The following PREX1 variants were observed in gnomAD, a reference collection of about 807,000 sequenced individuals.
PREX1 encodes the protein phosphatidylinositol-3,4,5-trisphosphate dependent Rac exchange factor 1.
In PREX1, 41 loss-of-function variants were observed where a neutral mutation model predicts 198.3. The observed-to-expected ratio is 0.21, with a 90% CI of 0.16 to 0.27. PREX1 has a LOEUF of 0.27. Among genes scored for constraint, PREX1 ranks in the 10% least tolerant of loss-of-function variants. The pLI, the probability that PREX1 is intolerant of heterozygous loss-of-function variation, is 1.00. For missense variants in PREX1, 1,620 were observed against 2,200.7 expected (o/e 0.74, Z 5.28); for synonymous variants, 843 against 887.2 (o/e 0.95, Z 0.89).
Position 48,666,963 on chromosome 20 carries a change from CAAG to C in PREX1, c.1666-611_1666-609del, listed in dbSNP as rs1166633990. Among the ~76,000 whole-genome samples the C allele has an allele frequency of 6.6e-6, 1 of 152,186 alleles. No homozygotes were observed. The highest frequency in any genetic ancestry group is 2.4e-5 in the African/African-American group (1 of 41,446). ...AACACCTTTCCCATTCCTCCCTGGT[CAAG>C]AAGCCCTCATCCATCTCCAGCCTCC... On this transcript the variant is annotated intron_variant, in intron 14 of 39. Coordinates refer to ENST00000371941, the MANE Select transcript of PREX1 (RefSeq NM_020820.4). This position sits in a 1 kb window ranked among gnomAD's most constrained non-coding sequence, Gnocchi z 4.3.
chr20:48,886,407 AAGCCTGGCACACCCCC>A, the PREX1 span, among the ~76,000 whole-genome samples: 3 of 152,118 alleles, frequency 2.0e-5, no homozygotes, highest in Non-Finnish European at 4.4e-5. Context: ...CTAAGAACAG[AAGCCTGGCACACCCCC>A]AGGCGCTGGC....
chr20:48,682,265 G>A (rs1423595658), intron 10 of PREX1, among the ~76,000 whole-genome samples: 1 of 151,998 alleles, frequency 6.6e-6, no homozygotes, highest in Non-Finnish European at 1.5e-5. Flanking sequence ...CATCCTTCAG[G>A]TCTCAGCACA....
intron 3 of PREX1, among the ~76,000 whole-genome samples, chr20:48,734,935 C>T (rs898636998): frequency 1.3e-5 from 2 of 152,176 alleles, no homozygotes; most frequent in Non-Finnish European, 2.9e-5. Flanking sequence ...GCTTGCACCA[C>T]GGCTCTGTAT....
chr20:48,636,775 T>TGGA (rs1568793639), intron 31 of PREX1, 92 bp from the exon 32 acceptor site: 2 of 1,131,074 alleles, frequency 1.8e-6, no homozygotes. Context: ...GGACCCCTCA[T>TGGA]GGAACCCCCA....
At chr20:48,747,935 A>T in intron 1 of PREX1, 55 bp from the exon 2 acceptor site, 1 of 1,504,280 alleles carries the variant, frequency 6.6e-7, no homozygotes, top group African/African-American at 1.4e-5. Context: ...TCTCCCATGG[A>T]CGGCCCTACA....
chr20:48,746,940 GAACACACACACACACACACACA>G (rs2090110328), intron 2 of PREX1, among the ~76,000 whole-genome samples: 1 of 121,304 alleles, frequency 8.2e-6, no homozygotes, highest in African/African-American at 3.2e-5. Context: ...CCCAGTGCAT[GAACACACACACACACACACACA>G]CACACACACA....
At chr20:48,646,807 C>A (rs1343878498) in intron 25 of PREX1, among the ~76,000 whole-genome samples, 1 of 152,218 alleles carries the variant, frequency 6.6e-6, no homozygotes, top group Non-Finnish European at 1.5e-5. Flanking sequence ...TTGAAGCTAG[C>A]TAAACCCCAG....
intron 27 of PREX1, among the ~76,000 whole-genome samples, chr20:48,643,038 A>T (rs2089425984): frequency 6.6e-6 from 1 of 152,270 alleles, no homozygotes; most frequent in Admixed American, 6.5e-5. Flanking sequence ...CAGTGGGAAC[A>T]GCAGTGACAG....
the PREX1 span, among the ~76,000 whole-genome samples, chr20:48,888,051 G>C: frequency 2.6e-5 from 4 of 152,210 alleles, no homozygotes; most frequent in Non-Finnish European, 4.4e-5. Context: ...TCACACTGCT[G>C]CTAAAGACAC....
intron 17 of PREX1, among the ~76,000 whole-genome samples, chr20:48,657,801 C>T (rs547152258): frequency 6.6e-6 from 1 of 152,286 alleles, no homozygotes; most frequent in African/African-American, 2.4e-5. Context: ...GGCTTTGCAT[C>T]AGACAGCAAT....
At chr20:48,659,838 G>T in intron 16 of PREX1, 81 bp downstream of exon 16, 1 of 1,587,198 alleles carries the variant, frequency 6.3e-7, no homozygotes, top group Admixed American at 1.7e-5. Context: ...CCTTCCCTGT[G>T]CATAACCAGA....
At chr20:48,692,864 G>C in intron 7 of PREX1, 74 bp from the exon 8 acceptor site, 1 of 1,259,618 alleles carries the variant, frequency 7.9e-7, no homozygotes, top group Non-Finnish European at 1.2e-6. Context: ...AGCGCAAAGG[G>C]GAACACAACA....
chr20:48,865,042 G>T, the PREX1 span, among the ~76,000 whole-genome samples: 1 of 152,068 alleles, frequency 6.6e-6, no homozygotes, highest in Non-Finnish European at 1.5e-5. Context: ...GGGTTGGGGG[G>T]GGTCTTACCC....
intron 1 of PREX1, among the ~76,000 whole-genome samples, chr20:48,799,726 C>T (rs958046775): frequency 6.6e-6 from 1 of 152,162 alleles, no homozygotes; most frequent in African/African-American, 2.4e-5. Flanking sequence ...GGCAAGCGGG[C>T]CTCTGTCCCC....
chr20:48,883,741 G>T, the PREX1 span, among the ~76,000 whole-genome samples: 1 of 152,010 alleles, frequency 6.6e-6, no homozygotes, highest in Admixed American at 6.6e-5. Context: ...AAAGAAGACC[G>T]AAATAAAAGG....
chr20:48,862,823 G>A, the PREX1 span, among the ~76,000 whole-genome samples: 191 of 99,556 alleles, frequency 1.9e-3, no homozygotes, highest in Admixed American at 4.4e-3. Context: ...ACTAATAAAC[G>A]TTATTTTTTT....
intron 1 of PREX1, among the ~76,000 whole-genome samples, chr20:48,784,983 G>A (rs947153187): frequency 4.0e-5 from 6 of 151,032 alleles, no homozygotes; most frequent in Non-Finnish European, 7.4e-5. Context: ...GCATGATCTC[G>A]GCTCACTGCA....
intron 1 of PREX1, among the ~76,000 whole-genome samples, chr20:48,816,675 G>A (rs1276358434): frequency 6.6e-6 from 1 of 152,086 alleles, no homozygotes; most frequent in Non-Finnish European, 1.5e-5. Flanking sequence ...GTGATCACCA[G>A]CCAATACCCT....
intron 5 of PREX1, among the ~76,000 whole-genome samples, chr20:48,722,650 A>C (rs2089991299): frequency 6.6e-6 from 1 of 152,236 alleles, no homozygotes; most frequent in South Asian, 2.1e-4. Context: ...CCCAGGGCCC[A>C]TCTCTCCTCA....
Sources: gnomAD v4.1 joint callset for allele counts (sites outside exome capture counted in the v4.1 genomes callset) on GRCh38, gnomAD v4.1.1 for gene constraint, Gnocchi (gnomAD v3.1) non-coding constraint, MANE v1.5 for transcripts, NCBI Gene and HGNC (gene_info 2026-07-23, HGNC 2026-07-21) for gene names.